Variants in FHDC1 observed in about 807,000 individuals in gnomAD.
FHDC1 encodes the protein FH2 domain-containing protein 1.
Under a neutral mutation model 52.6 loss-of-function variants are expected in FHDC1, and 25 were observed. That is an observed-to-expected ratio of 0.48 (90% CI 0.35 to 0.66). FHDC1 has a LOEUF of 0.66. FHDC1 is among the 30% of genes least tolerant of loss of function. FHDC1 has a pLI of 0.01. For missense variants in FHDC1, 1,459 were observed against 1,452.8 expected (o/e 1.00, Z -0.07); for synonymous variants, 616 against 581.5 (o/e 1.06, Z -0.85).
At chr4:152,969,664 C>G (rs1740573659) in intron 10 of FHDC1, among the ~76,000 whole-genome samples, 2 of 145,742 alleles carry the variant, frequency 1.4e-5, no homozygotes, top group South Asian at 4.4e-4. Flanking sequence ...TTCTGGCAGT[C>G]GTTTTTTTTT....
At chr4:152,945,768 A>T (rs907755000) in intron 2 of FHDC1, among the ~76,000 whole-genome samples, 2 of 152,038 alleles carry the variant, frequency 1.3e-5, no homozygotes, top group Non-Finnish European at 2.9e-5. Flanking sequence ...AACCATTTTT[A>T]AACAGCTTGT....
At chr4:152,974,632 C>A in intron 11 of FHDC1, 43 bp from the exon 12 acceptor site, 1 of 1,498,060 alleles carries the variant, frequency 6.7e-7, no homozygotes, top group South Asian at 1.4e-5. Context: ...GCACATTGGT[C>A]CCACATGTCT....
At chr4:152,928,569 C>A in the FHDC1 span, among the ~76,000 whole-genome samples, 2 of 152,166 alleles carry the variant, frequency 1.3e-5, no homozygotes, top group African/African-American at 4.8e-5. Context: ...TTACTTTTCC[C>A]CAACAACACA....
intron 2 of FHDC1, among the ~76,000 whole-genome samples, chr4:152,948,849 T>G (rs1219393076): frequency 6.6e-6 from 1 of 152,120 alleles, no homozygotes; most frequent in Non-Finnish European, 1.5e-5. Flanking sequence ...ACAATGTGGA[T>G]GTACTTAATG....
chr4:152,972,433 G>A lies in FHDC1; in HGVS notation c.1275G>A (p.Glu425=). ...LECWKQELQD[E]AYTLIDFFCE... ...GCTGGAAACAAGAGCTCCAGGATGA[G>A]GCCTACACCCTTATAGATTTTTTCT... is the stretch of plus-strand genomic sequence containing the variant. Residue 425 remains glutamate (E), a synonymous_variant, in exon 11 of 12, where the codon GAG becomes GAA. Transcript: ENST00000511601. The A allele has an allele frequency of 6.2e-7, 1 of 1,613,492 alleles. No individual in the cohort carries two copies. Among genetic ancestry groups the A allele is most frequent in the Non-Finnish European group, 8.5e-7 (1 of 1,179,882 alleles).
chr4:152,947,663 T>C (rs1219213485), intron 2 of FHDC1, among the ~76,000 whole-genome samples: 2 of 152,202 alleles, frequency 1.3e-5, no homozygotes. Flanking sequence ...GATCAGCTTA[T>C]GAGGCATCAA....
chr4:152,975,691 A>G lies in FHDC1; in HGVS notation c.2400A>G (p.Glu800=). ...GACCCAGAGGCGGGGACCCGGAGGAAGGCGGGGAAGGGGATGGCTCCATGT... is the reference window on the plus strand; with the variant it reads ...GACCCAGAGGCGGGGACCCGGAGGAGGGCGGGGAAGGGGATGGCTCCATGT... ...DSRPRGGDPE[E]GGEGDGSMSS... The change falls in exon 12 of 12, where the codon GAA becomes GAG. Residue 800 remains glutamate, a synonymous_variant. Transcript: ENST00000511601. 1 of 1,612,002 alleles carries G rather than the reference A, an allele frequency of 6.2e-7. No homozygotes were observed. The highest frequency in any genetic ancestry group is 8.5e-7 in the Non-Finnish European group (1 of 1,178,884).
chr4:152,930,299 A>G, the FHDC1 span, among the ~76,000 whole-genome samples: 2 of 152,252 alleles, frequency 1.3e-5, no homozygotes, highest in Non-Finnish European at 2.9e-5. Context: ...AATTGGATAC[A>G]TTGTAATGTA....
intron 2 of FHDC1, among the ~76,000 whole-genome samples, chr4:152,944,001 A>AT (rs1234082618): frequency 2.0e-5 from 3 of 152,128 alleles, no homozygotes; most frequent in Admixed American, 6.6e-5. Context: ...CATCCTTAGG[A>AT]TTTTACCCTT....
At chr4:152,932,692 T>C (rs1446058911), upstream of FHDC1, among the ~76,000 whole-genome samples, 8 of 152,302 alleles carry the variant, frequency 5.3e-5, no homozygotes, top group East Asian at 1.5e-3. Flanking sequence ...AGAATAACGA[T>C]TAAAGATTAA....
chr4:152,933,024 C>T (rs1739277624), upstream of FHDC1, among the ~76,000 whole-genome samples: 1 of 152,194 alleles, frequency 6.6e-6, no homozygotes, highest in Admixed American at 6.5e-5. Flanking sequence ...CACAGCAGTT[C>T]TTCTGCAGGG....
chr4:152,970,607 A>G (rs1382974782), intron 10 of FHDC1, among the ~76,000 whole-genome samples: 1 of 152,260 alleles, frequency 6.6e-6, no homozygotes, highest in East Asian at 1.9e-4. Context: ...GCTGGAATCC[A>G]TCTTTCCCCC....
chr4:152,975,991 G>A lies in FHDC1; in HGVS notation c.2700G>A (p.Glu900=), dbSNP rs747516350. The change falls in exon 12 of 12, where the codon GAG becomes GAA. Residue 900 remains glutamate, a synonymous_variant. Coordinates refer to ENST00000511601, the MANE Select transcript of FHDC1 (RefSeq NM_001371116.1). ...SVRTLTASEN[E]SMRKVMPITK... ...GGACCCTGACCGCCTCAGAGAACGA[G>A]AGCATGCGCAAGGTCATGCCCATCA... 1.3e-6 allele frequency: 2 copies of A among 1,526,790 alleles called. No individual in the cohort carries two copies. The highest frequency in any genetic ancestry group is 1.8e-6 in the Non-Finnish European group (2 of 1,139,678). 94.6% of individuals were successfully genotyped at this position (1,526,790 alleles called of 1,614,324 possible). A position where few individuals can be genotyped will look rare whatever the true frequency, so the allele number is the denominator to read the frequency against.
At chr4:152,931,455 AAC>A (rs56142204), upstream of FHDC1, among the ~76,000 whole-genome samples, 12,285 of 126,880 alleles carry the variant, frequency 0.097, 632 homozygotes, top group South Asian at 0.12. Flanking sequence ...CAGCCTCTAA[AAC>A]ACACACACAC....
intron 1 of FHDC1, among the ~76,000 whole-genome samples, chr4:152,936,870 G>A (rs1403552878): frequency 6.6e-6 from 1 of 152,278 alleles, no homozygotes; most frequent in East Asian, 1.9e-4. Context: ...CGCCGCGCTC[G>A]GTTCCCTAGC....
the FHDC1 span, among the ~76,000 whole-genome samples, chr4:152,924,688 T>G: frequency 6.6e-6 from 1 of 152,004 alleles, no homozygotes; most frequent in Non-Finnish European, 1.5e-5. Flanking sequence ...CCATAAAAAA[T>G]GATGAGTTCA....
chr4:152,925,068 G>T, the FHDC1 span, among the ~76,000 whole-genome samples: 4 of 151,842 alleles, frequency 2.6e-5, no homozygotes, highest in African/African-American at 9.7e-5. Flanking sequence ...GTATGTTGAC[G>T]ATTCTGGAGC....
intron 4 of FHDC1, among the ~76,000 whole-genome samples, chr4:152,959,045 GAAC>G (rs1256445530): frequency 1.3e-5 from 2 of 151,162 alleles, no homozygotes; most frequent in African/African-American, 4.9e-5. Flanking sequence ...TTATATTTTT[GAAC>G]TGTCATTTCC....
chr4:152,973,979 G>A (rs543117845), intron 11 of FHDC1, among the ~76,000 whole-genome samples: 30 of 152,310 alleles, frequency 2.0e-4, no homozygotes, highest in African/African-American at 4.8e-4. Context: ...AGGCTAGGAC[G>A]TGAGAGGCAG....
Sources: gnomAD v4.1 joint callset for allele counts (sites outside exome capture counted in the v4.1 genomes callset) on GRCh38, gnomAD v4.1.1 for gene constraint, MANE v1.5 for transcripts, NCBI Gene and HGNC (gene_info 2026-07-23, HGNC 2026-07-21) for gene names.